Variants in DBNL observed in about 807,000 individuals in gnomAD.
DBNL encodes drebrin like, also known as drebrin-like protein.
DBNL carries 35 observed loss-of-function variants against 62.2 expected under a neutral mutation model. The observed-to-expected ratio is 0.56, with a 90% confidence interval of 0.43 to 0.75. DBNL has a LOEUF of 0.75. Among genes scored for constraint, DBNL ranks in the 30% least tolerant of loss-of-function variants. The pLI is 0.00. For missense variants in DBNL, 495 were observed against 578.4 expected, an observed-to-expected ratio of 0.86 and a Z score of 1.48; for synonymous variants, 197 against 218.0, an observed-to-expected ratio of 0.90 and a Z score of 0.85.
At chr7:44,056,736 C>T in intron 4 of DBNL, 21 bp from the exon 5 acceptor site, 1 of 1,613,640 alleles carries the variant, frequency 6.2e-7, no homozygotes, top group Non-Finnish European at 8.5e-7. Context: ...GCCCTTCTTT[C>T]AAGTGCTGCT....
intron 1 of DBNL, among the ~76,000 whole-genome samples, chr7:44,049,682 C>G (rs1404651697): frequency 6.6e-6 from 1 of 152,180 alleles, no homozygotes; most frequent in African/African-American, 2.4e-5. Flanking sequence ...ACCAAAGAGT[C>G]TCAAGCCTGG....
chr7:44,059,102 G>A lies in DBNL; in HGVS notation c.835+119G>A. 1.8e-6 allele frequency: 2 copies of A among 1,116,240 alleles called. No individual in the cohort carries two copies. The highest frequency in any genetic ancestry group is 2.6e-6 in the Non-Finnish European group (2 of 772,184). The allele number at this position is 1,116,240 out of a possible 1,614,324, so 69.1% of individuals were successfully genotyped here. A position where few individuals can be genotyped will look rare whatever the true frequency, so the allele number is the denominator to read the frequency against. ...ATATCGGTGACGGGTGAGTGAGTGA[G>A]GAGAAGGGACACCTGGGGCCATTGA... On this transcript the variant is annotated intron_variant, in intron 9 of 12. Coordinates refer to ENST00000448521, the MANE Select transcript of DBNL (RefSeq NM_001014436.3). The surrounding 1 kb of genome is among the most constrained non-coding windows in gnomAD (Gnocchi z 4.1).
chr7:44,056,998 G>GGCAGGGAACAGCTACAGAAGGAA, intron 5 of DBNL, 95 bp downstream of exon 5: 1 of 1,542,908 alleles, frequency 6.5e-7, no homozygotes. Flanking sequence ...GGCTGGCTGG[G>GGCAGGGAACAGCTACAGAAGGAA]CCCATGCCTG....
Position 44,061,863 on chromosome 7 carries a change from C to CTGA in DBNL, c.*955_*957dup, listed in dbSNP as rs1268524877. ...GAGCACCCTCACCCTGAGACTGTGG[C>CTGA]TGATGATGATCAGCCACCAGGAAGA... On this transcript the variant is annotated 3_prime_UTR_variant, in exon 13 of 13. Coordinates refer to ENST00000448521, the MANE Select transcript of DBNL (RefSeq NM_001014436.3). The CTGA allele has an allele frequency of 6.6e-6, 1 of 152,244 alleles. No homozygotes were observed. Among genetic ancestry groups the CTGA allele is most frequent in the African/African-American group, 2.4e-5 (1 of 41,446 alleles). The allele number at this position is 152,244 out of a possible 1,614,324, so 9.4% of individuals were successfully genotyped here.
intron 1 of DBNL, among the ~76,000 whole-genome samples, chr7:44,049,196 G>A (rs2096122242): frequency 6.6e-6 from 1 of 152,028 alleles, no homozygotes; most frequent in Non-Finnish European, 1.5e-5. Context: ...TCACTCTGTT[G>A]CCCAGGCTGG....
chr7:44,049,154 C>T (rs1026331209), intron 1 of DBNL, among the ~76,000 whole-genome samples: 1 of 152,058 alleles, frequency 6.6e-6, no homozygotes, highest in Non-Finnish European at 1.5e-5. Context: ...CCACCTGGCC[C>T]AGAGTTCTGT....
In DBNL at chr7:44,044,779, G is replaced by A; in HGVS notation, c.42G>A (p.Glu14=). Reference sequence around the variant, plus strand: ...GCCGGAACGGGCCAGCGCTGCAAGAGGCCTACGTGCGGGTGGTCACCGAGA... The same window carrying A: ...GCCGGAACGGGCCAGCGCTGCAAGAAGCCTACGTGCGGGTGGTCACCGAGA... The part of the protein sequence containing the change: ...NLSRNGPALQ[E]AYVRVVTEKS... Residue 14 remains glutamate (E), a synonymous_variant, in exon 1 of 13, where the codon GAG becomes GAA. Coordinates refer to ENST00000448521, the MANE Select transcript of DBNL (RefSeq NM_001014436.3). 2.7e-6 allele frequency: 4 copies of A among 1,505,174 alleles called. No homozygotes were observed. Among genetic ancestry groups the A allele is most frequent in the Non-Finnish European group, 3.5e-6 (4 of 1,127,678 alleles). 93.2% of individuals were successfully genotyped at this position (1,505,174 alleles called of 1,614,324 possible).
intron 3 of DBNL, among the ~76,000 whole-genome samples, chr7:44,052,620 A>G (rs6958454): frequency 0.3 from 44,840 of 151,538 alleles, 7,287 homozygotes; most frequent in African/African-American, 0.42. Flanking sequence ...CAAAAAAAAA[A>G]AAAAAAAGAA....
chr7:44,067,529 C>T lies in DBNL; in HGVS notation c.*6613C>T, dbSNP rs1349605202. On this transcript the variant is annotated 3_prime_UTR_variant, in exon 13 of 13. Coordinates refer to ENST00000448521, the MANE Select transcript of DBNL (RefSeq NM_001014436.3). ...GGGAGCCCAAAGAAGGGCTGGACTTCGGGGAAGCAAGCCCCTGCTTCTGAC... is the reference window on the plus strand; with the variant it reads ...GGGAGCCCAAAGAAGGGCTGGACTTTGGGGAAGCAAGCCCCTGCTTCTGAC... 1 of 152,222 alleles carries T rather than the reference C, an allele frequency of 6.6e-6. No homozygotes were observed. Among genetic ancestry groups the T allele is most frequent in the South Asian group, 2.1e-4 (1 of 4,832 alleles). The allele number at this position is 152,222 out of a possible 1,614,324, so 9.4% of individuals were successfully genotyped here.
At position 44,068,813 on chromosome 7, in the gene DBNL, C is replaced by T. The variant is rs2096164165; in HGVS notation, c.*7897C>T. 6.6e-6 allele frequency: 1 copy of T among 152,172 alleles called. No homozygotes were observed. The highest frequency in any genetic ancestry group is 6.5e-5 in the Admixed American group (1 of 15,276). 9.4% of individuals were successfully genotyped at this position (152,172 alleles called of 1,614,324 possible). ...AAACCAAGAAGCTCAGTGAACCACA[C>T]AACTGGATAAATTAACAACAAAAGT... On this transcript the variant is annotated 3_prime_UTR_variant, in exon 13 of 13. Transcript: ENST00000448521.
Position 44,064,851 on chromosome 7 carries a change from GC to G in DBNL, c.*3939del, listed in dbSNP as rs778627941. 1 of 1,362,352 alleles carries G rather than the reference GC, an allele frequency of 7.3e-7. No individual in the cohort carries two copies. Among genetic ancestry groups the G allele is most frequent in the Non-Finnish European group, 9.8e-7 (1 of 1,022,706 alleles). The allele number at this position is 1,362,352 out of a possible 1,614,324, so 84.4% of individuals were successfully genotyped here. A position where few individuals can be genotyped will look rare whatever the true frequency, so the allele number is the denominator to read the frequency against. ...CCTCACCTTCCAGGTGCTTGACAAT[GC>G]CCCGCAGGCTGTTCCCGTGGGCTGC... On this transcript the variant is annotated 3_prime_UTR_variant, in exon 13 of 13. Transcript: ENST00000448521.
intron 1 of DBNL, among the ~76,000 whole-genome samples, chr7:44,049,524 G>C (rs1203579438): frequency 6.6e-6 from 1 of 152,236 alleles, no homozygotes; most frequent in Non-Finnish European, 1.5e-5. Context: ...GTCACCCATG[G>C]AGAGATAAGG....
chr7:44,058,204 C>G lies in DBNL; in HGVS notation c.628C>G (p.Arg210Gly). 6.4e-7 allele frequency: 1 copy of G among 1,563,124 alleles called. No homozygotes were observed. Among genetic ancestry groups the G allele is most frequent in the Non-Finnish European group, 8.7e-7 (1 of 1,154,974 alleles). ...ACAGCGGCAGCTGGAGCAGGAGCGC[C>G]GGGAGCGTGAGCTGCGTGAGGCTGC... ...EAQRQLEQER[R>G]ERELREAARR... The change falls in exon 7 of 13, where the codon CGG (arginine) becomes GGG (glycine). Residue 210 changes from arginine (R) to glycine (G), a missense_variant. Transcript: ENST00000448521.
chr7:44,060,864 CGGAT>C lies in DBNL; in HGVS notation c.1244_1247del (p.Asp415AlafsTer77). ...GAAGGCTGGTGGCGTGGCTATGGGCCGGATGGCCATTTTGGCATGTTCCCTGCCA... is the reference window on the plus strand; with the variant it reads ...GAAGGCTGGTGGCGTGGCTATGGGCCGGCCATTTTGGCATGTTCCCTGCCA... On this transcript the variant is annotated frameshift_variant, in exon 13 of 13. Transcript: ENST00000448521. LOFTEE classifies it high-confidence loss of function. The surrounding 1 kb of genome is among the most constrained non-coding windows in gnomAD (Gnocchi z 6.3). 1 of 1,614,068 alleles carries C rather than the reference CGGAT, an allele frequency of 6.2e-7. No individual in the cohort carries two copies. Among genetic ancestry groups the C allele is most frequent in the Non-Finnish European group, 8.5e-7 (1 of 1,179,972 alleles).
Position 44,064,348 on chromosome 7 carries a change from C to T in DBNL, c.*3432C>T, listed in dbSNP as rs2096154976. 1 of 211,156 alleles carries T rather than the reference C, an allele frequency of 4.7e-6. No homozygotes were observed. The highest frequency in any genetic ancestry group is 9.7e-6 in the Non-Finnish European group (1 of 103,310). 13.1% of individuals were successfully genotyped at this position (211,156 alleles called of 1,614,324 possible). A position where few individuals can be genotyped will look rare whatever the true frequency, so the allele number is the denominator to read the frequency against. On this transcript the variant is annotated 3_prime_UTR_variant, in exon 13 of 13. Coordinates refer to ENST00000448521, the MANE Select transcript of DBNL (RefSeq NM_001014436.3). ...CTCCAGAGGGAGATAGGTGGTGAAG[C>T]TCATGCAGGGATTCTGAGGACCTGA...
At position 44,064,753 on chromosome 7, in the gene DBNL, CGA is replaced by C. The variant is rs2096155859; in HGVS notation, c.*3842_*3843del. On this transcript the variant is annotated 3_prime_UTR_variant, in exon 13 of 13. Coordinates refer to ENST00000448521, the MANE Select transcript of DBNL (RefSeq NM_001014436.3). ...ACGCCTAGAAAGCCTGGTCCATGGG[CGA>C]GAGACTTTGCTGAGATGAGAAGCCA... 2.4e-6 allele frequency: 3 copies of C among 1,275,026 alleles called. No individual in the cohort carries two copies. The highest frequency in any genetic ancestry group is 3.3e-6 in the Non-Finnish European group (3 of 909,140). The allele number at this position is 1,275,026 out of a possible 1,614,324, so 79.0% of individuals were successfully genotyped here.
rs577898861 is a variant in DBNL, at chr7:44,061,044, C to A, written c.*128C>A. 2 of 1,296,508 alleles carry A rather than the reference C, an allele frequency of 1.5e-6. No homozygotes were observed. Among genetic ancestry groups the A allele is most frequent in the African/African-American group, 1.5e-5 (1 of 67,172 alleles). The allele number at this position is 1,296,508 out of a possible 1,614,324, so 80.3% of individuals were successfully genotyped here. A position where few individuals can be genotyped will look rare whatever the true frequency, so the allele number is the denominator to read the frequency against. ...CCCCAGTGAGGATGAGGCCTCAGGG[C>A]TCCCTCCGGCTTGGCAGACTCAGCC... is the stretch of plus-strand genomic sequence containing the variant. On this transcript the variant is annotated 3_prime_UTR_variant, in exon 13 of 13. Coordinates refer to ENST00000448521, the MANE Select transcript of DBNL (RefSeq NM_001014436.3).
At chr7:44,045,179 C>T (rs1057342723) in intron 1 of DBNL, among the ~76,000 whole-genome samples, 3 of 152,224 alleles carry the variant, frequency 2.0e-5, no homozygotes, top group Non-Finnish European at 4.4e-5. Context: ...CTGGGACTTC[C>T]CTGGAGAAGG....
In DBNL at chr7:44,060,037, T is replaced by A. The variant is rs754448025; in HGVS notation, c.1048-11T>A. ...TGAGTCTGGGGTAACACCTTTGTCATCCCTGGGCAGGTGCAGCAGCAAGGT... is the reference window on the plus strand; with the variant it reads ...TGAGTCTGGGGTAACACCTTTGTCAACCCTGGGCAGGTGCAGCAGCAAGGT... On this transcript the variant is annotated splice_polypyrimidine_tract_variant and intron_variant, in intron 11 of 12. Coordinates refer to ENST00000448521, the MANE Select transcript of DBNL (RefSeq NM_001014436.3). This position sits in a 1 kb window ranked among gnomAD's most constrained non-coding sequence, Gnocchi z 6.3. 3.7e-6 allele frequency: 6 copies of A among 1,611,854 alleles called. No individual in the cohort carries two copies. Among genetic ancestry groups the A allele is most frequent in the Non-Finnish European group, 5.1e-6 (6 of 1,178,548 alleles).
Sources: allele counts gnomAD v4.1 joint callset (sites outside exome capture counted in the v4.1 genomes callset), GRCh38; gene constraint gnomAD v4.1.1; non-coding constraint Gnocchi (gnomAD v3.1); transcripts MANE v1.5; gene names NCBI Gene and HGNC (gene_info 2026-07-23, HGNC 2026-07-21).